Variants in NEDD4L observed in about 807,000 individuals in gnomAD.
The protein encoded by NEDD4L is NEDD4 like E3 ubiquitin protein ligase.
Under a neutral mutation model 148.9 loss-of-function variants are expected in NEDD4L, and 54 were observed. The observed-to-expected ratio is 0.36, with a 90% CI of 0.29 to 0.45. NEDD4L has a LOEUF of 0.45. Ranked by LOEUF, NEDD4L falls within the 20% of genes least tolerant of loss-of-function variation. The pLI is 1.00. For synonymous variants in NEDD4L, 433 were observed against 440.7 expected (o/e 0.98, Z 0.22); for missense variants, 856 against 1,233.8 (o/e 0.69, Z 4.59).
chr18:58,251,318 G>A (rs1237049494), intron 4 of NEDD4L, among the ~76,000 whole-genome samples: 4 of 152,154 alleles, frequency 2.6e-5, no homozygotes, highest in Non-Finnish European at 5.9e-5. Context: ...TTGAGCCCAG[G>A]AGTTCAAAAC....
chr18:58,285,915 T>C (rs2053840109), intron 5 of NEDD4L, among the ~76,000 whole-genome samples: 1 of 152,254 alleles, frequency 6.6e-6, no homozygotes, highest in Non-Finnish European at 1.5e-5. Context: ...GCTTACGCAA[T>C]GAATAGAACA....
At chr18:58,334,797 G>GAAAA (rs1349566332) in intron 12 of NEDD4L, among the ~76,000 whole-genome samples, 1 of 152,074 alleles carries the variant, frequency 6.6e-6, no homozygotes, top group Admixed American at 6.5e-5. Context: ...TTATGTTTGA[G>GAAAA]AAAAAATTAA....
At chr18:58,092,783 T>C (rs923119320) in intron 1 of NEDD4L, among the ~76,000 whole-genome samples, 2 of 142,006 alleles carry the variant, frequency 1.4e-5, no homozygotes, top group African/African-American at 5.3e-5. Context: ...AATTTAAGAT[T>C]AACAGATTAA....
chr18:58,347,046 A>G (rs2043161095), intron 16 of NEDD4L, among the ~76,000 whole-genome samples: 1 of 152,144 alleles, frequency 6.6e-6, no homozygotes, highest in African/African-American at 2.4e-5. Flanking sequence ...TAATATTATA[A>G]GCCTCAAGGC....
chr18:58,121,555 C>G (rs866791738), intron 1 of NEDD4L, among the ~76,000 whole-genome samples: 4 of 151,968 alleles, frequency 2.6e-5, no homozygotes, highest in African/African-American at 9.7e-5. Context: ...CAGGCGAGTT[C>G]CACTACAGCT....
rs114948244 is a variant in NEDD4L at position 58,365,046 on chromosome 18, C to T, written c.1833+713C>T. ...GAGAGAAGCGGCTGCAGCTCAGACC[C>T]CCTCTGGTGGCCTGGGCTCCATTGC... On this transcript the variant is annotated intron_variant, in intron 20 of 30. Coordinates refer to ENST00000400345, the MANE Select transcript of NEDD4L (RefSeq NM_001144967.3). Among the ~76,000 whole-genome samples, 235 of 152,254 alleles carry T rather than the reference C, an allele frequency of 1.5e-3. 1 individual carries two copies. Among genetic ancestry groups the T allele is most frequent in the African/African-American group, 5.4e-3 (223 of 41,562 alleles).
chr18:58,093,717 A>G (rs192565128), intron 1 of NEDD4L, among the ~76,000 whole-genome samples: 117 of 152,372 alleles, frequency 7.7e-4, no homozygotes, highest in African/African-American at 2.6e-3. Context: ...AATATTGCAC[A>G]ATTTACGCCA....
intron 2 of NEDD4L, among the ~76,000 whole-genome samples, chr18:58,236,712 G>A (rs573271627): frequency 1.1e-4 from 17 of 152,280 alleles, no homozygotes; most frequent in South Asian, 4.1e-4. Flanking sequence ...TTTTTCCTAC[G>A]TTTCAGATCA....
chr18:58,198,422 T>C (rs906908044), intron 2 of NEDD4L, among the ~76,000 whole-genome samples: 2 of 152,174 alleles, frequency 1.3e-5, no homozygotes, highest in Admixed American at 1.3e-4. Context: ...CCTTCCCAAC[T>C]GGATCTTTTC....
At chr18:58,160,157 T>A (rs1196350270) in intron 1 of NEDD4L, among the ~76,000 whole-genome samples, 1 of 152,198 alleles carries the variant, frequency 6.6e-6, no homozygotes, top group African/African-American at 2.4e-5. Flanking sequence ...GTTGATGGAT[T>A]ATGTATTTTA....
In NEDD4L at chr18:58,147,344, TG is replaced by T. The variant is rs911128846; in HGVS notation, c.49-18438del. Among the ~76,000 whole-genome samples the T allele has an allele frequency of 5.2e-4, 79 of 151,922 alleles. 1 individual carries two copies. The highest frequency in any genetic ancestry group is 3.1e-4 in the Non-Finnish European group (21 of 67,962). ...CCCCTGGCCTCTGCCTTCTAGATGC[TG>T]GGGGGCACTTTCCCTGGTGTAATAT... On this transcript the variant is annotated intron_variant, in intron 1 of 30. Transcript: ENST00000400345.
At chr18:58,071,514 CA>C (rs2082873876) in intron 1 of NEDD4L, among the ~76,000 whole-genome samples, 1 of 151,952 alleles carries the variant, frequency 6.6e-6, no homozygotes, top group Admixed American at 6.6e-5. Context: ...TCAGTCTGAA[CA>C]GCAAAAATAA....
chr18:58,309,032 C>T (rs543618888), intron 5 of NEDD4L, among the ~76,000 whole-genome samples: 22 of 152,370 alleles, frequency 1.4e-4, no homozygotes, highest in African/African-American at 4.8e-4. Context: ...TCTCTCCAGT[C>T]AGCTCTCCTG....
chr18:58,081,437 G>T (rs184722638), intron 1 of NEDD4L, among the ~76,000 whole-genome samples: 1 of 151,890 alleles, frequency 6.6e-6, no homozygotes, highest in East Asian at 1.9e-4. Context: ...GGAAGGTCTC[G>T]ATCTCCTGAC....
intron 2 of NEDD4L, among the ~76,000 whole-genome samples, chr18:58,168,419 A>G (rs987545223): frequency 2.0e-5 from 3 of 152,236 alleles, no homozygotes; most frequent in African/African-American, 7.2e-5. Context: ...CAAATCCCTT[A>G]AAACCACTCA....
chr18:58,284,056 C>T (rs2053564303), intron 5 of NEDD4L, among the ~76,000 whole-genome samples: 1 of 152,216 alleles, frequency 6.6e-6, no homozygotes, highest in Non-Finnish European at 1.5e-5. Flanking sequence ...GAATCTCCCT[C>T]AGCCTTCAGA....
intron 19 of NEDD4L, among the ~76,000 whole-genome samples, chr18:58,362,880 T>G (rs1338422529): frequency 6.6e-6 from 1 of 152,232 alleles, no homozygotes; most frequent in African/African-American, 2.4e-5. Flanking sequence ...TTCTTTTTCT[T>G]ATTTTGGTGG....
At chr18:58,289,420 AAGC>A (rs2054387249) in intron 5 of NEDD4L, among the ~76,000 whole-genome samples, 1 of 152,212 alleles carries the variant, frequency 6.6e-6, no homozygotes, top group Admixed American at 6.5e-5. Context: ...TTGATGGAAA[AAGC>A]AGCGGAGAAC....
chr18:58,234,139 TTCTC>T (rs774146971), intron 2 of NEDD4L, among the ~76,000 whole-genome samples: 7 of 151,032 alleles, frequency 4.6e-5, no homozygotes, highest in South Asian at 2.1e-4. Flanking sequence ...TTTTCTTTCT[TTCTC>T]TCTCTCTTTC....
Sources: allele counts gnomAD v4.1 joint callset (sites outside exome capture counted in the v4.1 genomes callset), GRCh38; gene constraint gnomAD v4.1.1; transcripts MANE v1.5; gene names NCBI Gene and HGNC (gene_info 2026-07-23, HGNC 2026-07-21).